The following SRD5A3 variants were observed in gnomAD, a reference collection of about 807,000 sequenced individuals.
The protein encoded by SRD5A3 is steroid 5 alpha-reductase 3, also known as polyprenal reductase.
In SRD5A3, 24 loss-of-function variants were observed where a neutral mutation model predicts 34.3. That is an observed-to-expected ratio of 0.70 (90% CI 0.51 to 0.99). The LOEUF is 0.99. SRD5A3 is among the 50% of genes least tolerant of loss of function. SRD5A3 has a pLI of 0.00. For synonymous variants in SRD5A3, 161 were observed against 167.3 expected, an observed-to-expected ratio of 0.96 and a Z score of 0.29; for missense variants, 350 against 388.2, an observed-to-expected ratio of 0.90 and a Z score of 0.83.
At chr4:55,346,896 G>T (rs569531934) in intron 1 of SRD5A3, among the ~76,000 whole-genome samples, 1 of 152,068 alleles carries the variant, frequency 6.6e-6, no homozygotes, top group Admixed American at 6.5e-5. Flanking sequence ...GAATTTAGGC[G>T]GCAAATTGAA....
At chr4:55,369,546 A>G in intron 4 of SRD5A3, 1 of 423,296 alleles carries the variant, frequency 2.4e-6, no homozygotes, top group Non-Finnish European at 4.3e-6. Flanking sequence ...CCTGGGCAAC[A>G]TAGGCAGACC....
At chr4:55,366,764 C>G (rs1578211597) in intron 3 of SRD5A3, 1 of 152,242 alleles carries the variant, frequency 6.6e-6, no homozygotes, top group South Asian at 2.1e-4. Context: ...ACATTTGTTT[C>G]TTCAGTCAAG....
At chr4:55,362,614 C>T (rs28873832) in intron 2 of SRD5A3, among the ~76,000 whole-genome samples, 4,561 of 149,672 alleles carry the variant, frequency 0.03, 60 homozygotes, top group Non-Finnish European at 0.035. Context: ...GCCACTATGC[C>T]CAGCTAATTT....
intron 1 of SRD5A3, among the ~76,000 whole-genome samples, chr4:55,347,666 T>C (rs1719046116): frequency 6.6e-6 from 1 of 152,114 alleles, no homozygotes; most frequent in Admixed American, 6.5e-5. Flanking sequence ...AACATCTGGG[T>C]TGTCGCTTGA....
chr4:55,349,448 G>A lies in SRD5A3; in HGVS notation c.221+2891G>A, dbSNP rs141900592. Among the ~76,000 whole-genome samples the A allele has an allele frequency of 2.0e-3, 302 of 152,152 alleles. 1 individual carries two copies. Among genetic ancestry groups the A allele is most frequent in the African/African-American group, 6.8e-3 (284 of 41,530 alleles). The stretch of plus-strand genomic sequence containing the variant: ...GCAGTATGTAGGTAATTTTGTTTGG[G>A]ATTATTTTTTTCTTTCCTACGGAGG... On this transcript the variant is annotated intron_variant, in intron 1 of 4. Transcript: ENST00000264228.
chr4:55,369,870 G>A lies in SRD5A3; in HGVS notation c.736G>A (p.Asp246Asn), dbSNP rs1720055369. 6.2e-7 allele frequency: 1 copy of A among 1,614,012 alleles called. No homozygotes were observed. The highest frequency in any genetic ancestry group is 1.7e-5 in the Admixed American group (1 of 59,988). The change falls in exon 5 of 5, where the codon GAC becomes AAC. Residue 246 changes from aspartate (D) to asparagine (N), a missense_variant. Around this residue, in one of 3 missense-constraint regions of SRD5A3, gnomAD observed 186 missense variants for 221.4 expected, o/e 0.84. Transcript: ENST00000264228. ...CTGTAACCACAGGATCCCATTTGGA[G>A]ACTGGTTTGAATATGTTTCTTCCCC... ...IHCNHRIPFG[D>N]WFEYVSSPNY...
chr4:55,351,942 A>G (rs2109463102), intron 1 of SRD5A3: 2 of 726,238 alleles, frequency 2.8e-6, no homozygotes, highest in Non-Finnish European at 5.2e-6. Flanking sequence ...TGTGGCCACA[A>G]TATAAAACTT....
chr4:55,365,675 C>T (rs1187496151), intron 3 of SRD5A3: 1 of 152,194 alleles, frequency 6.6e-6, no homozygotes, highest in Non-Finnish European at 1.5e-5. Context: ...CGTAGATAGT[C>T]AAGGAAGAGG....
intron 1 of SRD5A3, among the ~76,000 whole-genome samples, chr4:55,354,126 T>C (rs1453798077): frequency 6.6e-6 from 1 of 152,164 alleles, no homozygotes; most frequent in Non-Finnish European, 1.5e-5. Flanking sequence ...AGATGGAGTC[T>C]TGCTCTGTTG....
intron 3 of SRD5A3, among the ~76,000 whole-genome samples, chr4:55,365,417 C>T (rs1719851670): frequency 6.6e-6 from 1 of 152,220 alleles, no homozygotes; most frequent in African/African-American, 2.4e-5. Flanking sequence ...TGGCTCCAGC[C>T]ACTTAGCTAG....
In SRD5A3 at chr4:55,372,082, T is replaced by G. The variant is rs1720149330; in HGVS notation, c.*1991T>G. 3 of 152,364 alleles carry G rather than the reference T, an allele frequency of 2.0e-5. No homozygotes were observed. Among genetic ancestry groups the G allele is most frequent in the South Asian group, 4.1e-4 (2 of 4,828 alleles). The allele number at this position is 152,364 out of a possible 1,614,324, so 9.4% of individuals were successfully genotyped here. On this transcript the variant is annotated 3_prime_UTR_variant, in exon 5 of 5. Transcript: ENST00000264228. ...TAAATAAATGCCATATTTATTTTAC[T>G]TATCATTTAGAATTTGCCATTCTCA...
intron 1 of SRD5A3, chr4:55,352,057 A>T (rs972465597): frequency 1.6e-5 from 12 of 771,564 alleles, no homozygotes; most frequent in Non-Finnish European, 9.7e-6. Flanking sequence ...GAGCCACTCC[A>T]TACTTCTGCT....
intron 1 of SRD5A3, chr4:55,351,687 C>T: frequency 3.2e-6 from 1 of 308,918 alleles, no homozygotes. Flanking sequence ...CATATTTAAC[C>T]ATCCTCAGCT....
At chr4:55,353,226 T>G (rs1719264724) in intron 1 of SRD5A3, among the ~76,000 whole-genome samples, 1 of 152,172 alleles carries the variant, frequency 6.6e-6, no homozygotes, top group Non-Finnish European at 1.5e-5. Flanking sequence ...AGGGAACTTT[T>G]CTGTCTAGCT....
chr4:55,346,552 C>A lies in SRD5A3; in HGVS notation c.216C>A (p.Pro72=). 1 of 1,585,902 alleles carries A rather than the reference C, an allele frequency of 6.3e-7. No individual in the cohort carries two copies. The highest frequency in any genetic ancestry group is 8.6e-7 in the Non-Finnish European group (1 of 1,167,322). ...CCGCCTGCCGAGCCTTTGATGTCCC[C>A]AAGAGGTAACCGCGCCCCGGTCCCG... ...RPAACRAFDV[P]KRYFSHFYII... The change falls in exon 1 of 5, where the codon CCC becomes CCA. Residue 72 remains proline (P), a synonymous_variant. Coordinates refer to ENST00000264228, the MANE Select transcript of SRD5A3 (RefSeq NM_024592.5).
Position 55,372,726 on chromosome 4 carries a change from C to T in SRD5A3, c.*2635C>T, listed in dbSNP as rs2109492916. On this transcript the variant is annotated 3_prime_UTR_variant, in exon 5 of 5. Coordinates refer to ENST00000264228, the MANE Select transcript of SRD5A3 (RefSeq NM_024592.5). ...GCCTTAATCTTTCATTTTCTACTAC[C>T]ATTAAGTCGGGGAAATGACATTGAA... 1 of 152,214 alleles carries T rather than the reference C, an allele frequency of 6.6e-6. No homozygotes were observed. The highest frequency in any genetic ancestry group is 2.1e-4 in the South Asian group (1 of 4,826). 9.4% of individuals were successfully genotyped at this position (152,214 alleles called of 1,614,324 possible).
In SRD5A3 at chr4:55,370,387, T is replaced by C. The variant is rs1455140530; in HGVS notation, c.*296T>C. 4.7e-6 allele frequency: 2 copies of C among 424,090 alleles called. No homozygotes were observed. The highest frequency in any genetic ancestry group is 7.7e-5 in the Admixed American group (2 of 25,868). The allele number at this position is 424,090 out of a possible 1,614,324, so 26.3% of individuals were successfully genotyped here. ...AGTAGATGAGACTTCTCCAAGCTGC[T>C]TCACAAGCAAACTAACCGAAAAACC... On this transcript the variant is annotated 3_prime_UTR_variant, in exon 5 of 5. Coordinates refer to ENST00000264228, the MANE Select transcript of SRD5A3 (RefSeq NM_024592.5).
chr4:55,351,680 AT>A, intron 1 of SRD5A3: 2 of 300,244 alleles, frequency 6.7e-6, no homozygotes, highest in South Asian at 6.7e-5. Flanking sequence ...GGGTGAGCAT[AT>A]TTAACCATCC....
Position 55,364,213 on chromosome 4 carries a change from C to T in SRD5A3, c.504C>T (p.Val168=). The change falls in exon 3 of 5, where the codon GTC becomes GTT. Residue 168 remains valine (V), a synonymous_variant. Coordinates refer to ENST00000264228, the MANE Select transcript of SRD5A3 (RefSeq NM_024592.5). ...IHVVQYCFGL[V]YYVLVGLTVL... ...TCGTGCAGTACTGTTTTGGACTTGTCTATTATGTCCTTGTTGGCCTAACTG... is the reference window on the plus strand; with the variant it reads ...TCGTGCAGTACTGTTTTGGACTTGTTTATTATGTCCTTGTTGGCCTAACTG... The T allele has an allele frequency of 6.2e-7, 1 of 1,614,110 alleles. No homozygotes were observed. Among genetic ancestry groups the T allele is most frequent in the Non-Finnish European group, 8.5e-7 (1 of 1,180,022 alleles).
Sources: allele counts gnomAD v4.1 joint callset (sites outside exome capture counted in the v4.1 genomes callset), GRCh38; gene constraint gnomAD v4.1.1; regional missense constraint gnomAD v4.1.1; transcripts MANE v1.5; gene names NCBI Gene and HGNC (gene_info 2026-07-23, HGNC 2026-07-21).